The following RORA variants were observed in gnomAD, a reference collection of about 807,000 sequenced individuals.
RORA encodes nuclear receptor ROR-alpha.
RORA carries 7 observed loss-of-function variants against 69.5 expected under a neutral mutation model. The observed-to-expected ratio is 0.10, with a 90% CI of 0.06 to 0.19. The LOEUF (loss-of-function observed/expected upper bound fraction) is 0.19, where lower values mean the gene tolerates loss of function less well. Among genes scored for constraint, RORA ranks in the 10% least tolerant of loss-of-function variants. The pLI is 1.00. For missense variants in RORA, 457 were observed against 663.0 expected, an observed-to-expected ratio of 0.69 and a Z score of 3.41; for synonymous variants, 261 against 240.8, an observed-to-expected ratio of 1.08 and a Z score of -0.78.
intron 2 of RORA, among the ~76,000 whole-genome samples, chr15:60,572,508 A>G (rs1194429888): frequency 9.9e-6 from 1 of 100,924 alleles, no homozygotes; most frequent in African/African-American, 7.9e-5. Flanking sequence ...TGGTAGCAAG[A>G]AAAAAAAAAG....
intron 1 of RORA, among the ~76,000 whole-genome samples, chr15:61,054,548 C>T (rs1214548720): frequency 6.6e-6 from 1 of 152,130 alleles, no homozygotes; most frequent in Non-Finnish European, 1.5e-5. Flanking sequence ...AAACATCAGG[C>T]CTTTTGATTT....
At chr15:60,737,446 G>A (rs1461585881) in intron 1 of RORA, among the ~76,000 whole-genome samples, 1 of 152,152 alleles carries the variant, frequency 6.6e-6, no homozygotes, top group Non-Finnish European at 1.5e-5. Context: ...TGTGGCCTCT[G>A]GACCAGCGGC....
At chr15:60,530,412 C>T (rs1399478288) in intron 3 of RORA, 1 of 152,262 alleles carries the variant, frequency 6.6e-6, no homozygotes, top group Non-Finnish European at 1.5e-5. Context: ...CTGCAGCTGT[C>T]TTCCCTGAGT....
chr15:61,017,678 G>A (rs1237666168), intron 1 of RORA, among the ~76,000 whole-genome samples: 1 of 152,230 alleles, frequency 6.6e-6, no homozygotes, highest in East Asian at 1.9e-4. Context: ...AAACCAGGAA[G>A]CAAGAAGAGA....
At chr15:60,871,320 G>A (rs2073552744) in intron 1 of RORA, among the ~76,000 whole-genome samples, 1 of 152,120 alleles carries the variant, frequency 6.6e-6, no homozygotes, top group African/African-American at 2.4e-5. Flanking sequence ...TAACCTTCCT[G>A]TTAAATTTGG....
chr15:61,196,874 T>A (rs1257472897), intron 1 of RORA, among the ~76,000 whole-genome samples: 1 of 152,190 alleles, frequency 6.6e-6, no homozygotes, highest in South Asian at 2.1e-4. Flanking sequence ...TTGAGCACCG[T>A]GTTTGGATTA....
At chr15:60,505,751 T>C in intron 5 of RORA, 122 bp from the exon 6 acceptor site, 1 of 1,101,540 alleles carries the variant, frequency 9.1e-7, no homozygotes, top group South Asian at 1.4e-5. Context: ...TTTGACTGTC[T>C]TTACACATTT....
chr15:61,080,408 T>C (rs1187836012), intron 1 of RORA, among the ~76,000 whole-genome samples: 1 of 152,184 alleles, frequency 6.6e-6, no homozygotes, highest in Non-Finnish European at 1.5e-5. Context: ...GGACCATGTG[T>C]CAGCACTATG....
At chr15:60,595,537 A>G (rs910618918) in intron 2 of RORA, among the ~76,000 whole-genome samples, 1 of 152,138 alleles carries the variant, frequency 6.6e-6, no homozygotes, top group East Asian at 1.9e-4. Flanking sequence ...AAATACAATC[A>G]AGTAGAAATA....
rs559240936 is a variant in RORA at position 61,047,426 on chromosome 15, G to T, written c.166+181627C>A. Among the ~76,000 whole-genome samples the T allele has an allele frequency of 3.0e-3, 459 of 152,316 alleles. 3 individuals are homozygous for T. Among genetic ancestry groups the T allele is most frequent in the African/African-American group, 0.011 (444 of 41,574 alleles). The stretch of plus-strand genomic sequence containing the variant: ...GGAAAGCAACAGGACTTGGGTTTTT[G>T]CAAGTGGGAGGGCATAAAATGCATT... On this transcript the variant is annotated intron_variant, in intron 1 of 10. Transcript: ENST00000335670.
intron 1 of RORA, among the ~76,000 whole-genome samples, chr15:60,757,394 C>G (rs2071818652): frequency 6.6e-6 from 1 of 152,202 alleles, no homozygotes; most frequent in Admixed American, 6.5e-5. Flanking sequence ...CTGTCTTCCC[C>G]TCAAGCTGCC....
chr15:60,962,593 C>T (rs1410410658), intron 1 of RORA, among the ~76,000 whole-genome samples: 1 of 152,168 alleles, frequency 6.6e-6, no homozygotes, highest in Non-Finnish European at 1.5e-5. Context: ...TCCACTTTAC[C>T]CTAGCTGTTT....
At chr15:60,910,145 G>A (rs1891663032) in intron 1 of RORA, among the ~76,000 whole-genome samples, 1 of 152,168 alleles carries the variant, frequency 6.6e-6, no homozygotes, top group African/African-American at 2.4e-5. Context: ...AGATCCATGA[G>A]GCTAAACAAG....
At chr15:60,730,749 T>C (rs1221936965) in intron 1 of RORA, among the ~76,000 whole-genome samples, 1 of 152,240 alleles carries the variant, frequency 6.6e-6, no homozygotes, top group African/African-American at 2.4e-5. Context: ...ATTTGGTTAC[T>C]TTCTAACACT....
chr15:61,032,921 A>T (rs915705697), intron 1 of RORA, among the ~76,000 whole-genome samples: 2 of 152,182 alleles, frequency 1.3e-5, no homozygotes, highest in Non-Finnish European at 2.9e-5. Context: ...TAATAGCTAT[A>T]ATTTATTGAC....
In RORA at chr15:60,488,887, T is replaced by A. The variant is rs1183184566; in HGVS notation, c.*8568A>T. The A allele has an allele frequency of 6.6e-6, 1 of 152,260 alleles. No individual in the cohort carries two copies. Among genetic ancestry groups the A allele is most frequent in the Non-Finnish European group, 1.5e-5 (1 of 68,042 alleles). 9.4% of individuals were successfully genotyped at this position (152,260 alleles called of 1,614,324 possible). A position where few individuals can be genotyped will look rare whatever the true frequency, so the allele number is the denominator to read the frequency against. ...GAATCAGCATTTCATGTGGTCTTTTTAAATGTGGCTTTAATACTTGGTTGT... is the reference window on the plus strand; with the variant it reads ...GAATCAGCATTTCATGTGGTCTTTTAAAATGTGGCTTTAATACTTGGTTGT... On this transcript the variant is annotated 3_prime_UTR_variant, in exon 11 of 11. Transcript: ENST00000335670.
chr15:61,101,911 GACAGAGGT>G (rs1444230357), intron 1 of RORA, among the ~76,000 whole-genome samples: 1 of 152,084 alleles, frequency 6.6e-6, no homozygotes, highest in Non-Finnish European at 1.5e-5. Context: ...ATCCATATGA[GACAGAGGT>G]GCAATGTGTG....
Position 61,092,805 on chromosome 15 carries a change from C to T in RORA, c.166+136248G>A, listed in dbSNP as rs76824799. On this transcript the variant is annotated intron_variant, in intron 1 of 10. Transcript: ENST00000335670. ...TGGTGAGTCCTAACCACAGTCAAAA[C>T]CTTGTTCCCCTCCAGTCAACAGATA... Among the ~76,000 whole-genome samples, 695 of 152,306 alleles carry T rather than the reference C, an allele frequency of 4.6e-3. 37 individuals are homozygous for T. In the East Asian group the frequency reaches 0.11, roughly 25 times the overall value.
chr15:60,778,184 C>T (rs572485268), intron 1 of RORA, among the ~76,000 whole-genome samples: 2 of 151,820 alleles, frequency 1.3e-5, no homozygotes, highest in African/African-American at 4.9e-5. Flanking sequence ...TTCATAATTT[C>T]TGATGTGGCT....
Sources: gnomAD v4.1 joint callset for allele counts (sites outside exome capture counted in the v4.1 genomes callset) on GRCh38, gnomAD v4.1.1 for gene constraint, MANE v1.5 for transcripts, NCBI Gene and HGNC (gene_info 2026-07-23, HGNC 2026-07-21) for gene names.